The following BMPR2 variants were observed in gnomAD, a reference collection of about 807,000 sequenced individuals.
The protein encoded by BMPR2 is bone morphogenetic protein receptor type 2, also known as bone morphogenetic protein receptor type-2.
BMPR2 carries 29 observed loss-of-function variants against 100.8 expected under a neutral mutation model. The observed-to-expected ratio is 0.29, with a 90% CI of 0.21 to 0.39. BMPR2 has a LOEUF of 0.39. BMPR2 is among the 10% of genes least tolerant of loss of function. The probability of loss-of-function intolerance (pLI) is 1.00; values close to 1 mark genes in which losing one functional copy is unlikely to be tolerated. For missense variants in BMPR2, 1,011 were observed against 1,274.5 expected, an observed-to-expected ratio of 0.79 and a Z score of 3.15; for synonymous variants, 382 against 442.3, an observed-to-expected ratio of 0.86 and a Z score of 1.71.
intron 3 of BMPR2, among the ~76,000 whole-genome samples, chr2:202,471,549 T>C (rs539184507): frequency 6.6e-6 from 1 of 152,280 alleles, no homozygotes; most frequent in South Asian, 2.1e-4. Context: ...CAGTCAAGAA[T>C]GCATAACCTG....
At chr2:202,402,595 T>C (rs1690787526) in intron 1 of BMPR2, among the ~76,000 whole-genome samples, 1 of 151,958 alleles carries the variant, frequency 6.6e-6, no homozygotes, top group Non-Finnish European at 1.5e-5. Flanking sequence ...CCCATTAGCC[T>C]TTCCATTTTT....
intron 9 of BMPR2, among the ~76,000 whole-genome samples, chr2:202,540,937 T>TA (rs1031842656): frequency 2.0e-5 from 3 of 152,202 alleles, no homozygotes; most frequent in African/African-American, 7.2e-5. Context: ...CCATGGTTTC[T>TA]ACTAGATCAT....
chr2:202,499,240 C>T (rs550188299), intron 3 of BMPR2, among the ~76,000 whole-genome samples: 132 of 152,290 alleles, frequency 8.7e-4, no homozygotes, highest in African/African-American at 3.0e-3. Context: ...TAGGGCAAAC[C>T]TTTGACCTCC....
At chr2:202,428,949 C>T (rs954982922) in intron 1 of BMPR2, among the ~76,000 whole-genome samples, 1 of 152,036 alleles carries the variant, frequency 6.6e-6, no homozygotes, top group Admixed American at 6.6e-5. Context: ...GTTCTTGCAC[C>T]TTGTAAGAAA....
At chr2:202,484,412 C>A (rs577538023) in intron 3 of BMPR2, among the ~76,000 whole-genome samples, 1 of 145,922 alleles carries the variant, frequency 6.9e-6, no homozygotes, top group South Asian at 2.4e-4. Context: ...CGGTGGCTTA[C>A]GCCTGTAATC....
intron 3 of BMPR2, among the ~76,000 whole-genome samples, chr2:202,471,976 C>T (rs1209335913): frequency 6.6e-6 from 1 of 151,514 alleles, no homozygotes; most frequent in Non-Finnish European, 1.5e-5. Flanking sequence ...AAAATGGTAT[C>T]AGTAGGTGAA....
rs116950880 is a variant in BMPR2 at position 202,414,676 on chromosome 2, T to A, written c.76+37126T>A. Among the ~76,000 whole-genome samples, 21 of 152,330 alleles carry A rather than the reference T, an allele frequency of 1.4e-4. No homozygotes were observed. The East Asian group carries it at 4.0e-3, about 29-fold the overall frequency. On this transcript the variant is annotated intron_variant, in intron 1 of 12. Coordinates refer to ENST00000374580, the MANE Select transcript of BMPR2 (RefSeq NM_001204.7). The stretch of plus-strand genomic sequence containing the variant: ...AAAAAGTTTAAGTGGTCTGGATAGA[T>A]TAAACTAACTACAACATTCCCTTAG...
chr2:202,391,585 C>T (rs1690550204), intron 1 of BMPR2, among the ~76,000 whole-genome samples: 2 of 150,094 alleles, frequency 1.3e-5, no homozygotes, highest in Non-Finnish European at 3.0e-5. Flanking sequence ...CACCAACACA[C>T]CTGACCAGTG....
chr2:202,449,691 C>T (rs1190923177), intron 1 of BMPR2, among the ~76,000 whole-genome samples: 3 of 152,174 alleles, frequency 2.0e-5, no homozygotes, highest in African/African-American at 7.2e-5. Context: ...GAATTAAATG[C>T]ACCCTATGTA....
rs192517069 is a variant in BMPR2, at chr2:202,380,554, C to T, written c.76+3004C>T. Among the ~76,000 whole-genome samples, 443 of 151,892 alleles carry T rather than the reference C, an allele frequency of 2.9e-3. 2 individuals carry two copies. The highest frequency in any genetic ancestry group is 0.01 in the African/African-American group (427 of 41,414). ...GAATGAATCTCTCTGGGAGAACCCC[C>T]GCAAAGTCTCACTCAAGCAGGTGCT... On this transcript the variant is annotated intron_variant, in intron 1 of 12. Transcript: ENST00000374580.
chr2:202,560,729 C>A lies in BMPR2; in HGVS notation c.*783C>A, dbSNP rs947392154. 6.6e-6 allele frequency: 1 copy of A among 152,572 alleles called. No individual in the cohort carries two copies. The highest frequency in any genetic ancestry group is 1.5e-5 in the Non-Finnish European group (1 of 68,012). The allele number at this position is 152,572 out of a possible 1,614,324, so 9.5% of individuals were successfully genotyped here. A position where few individuals can be genotyped will look rare whatever the true frequency, so the allele number is the denominator to read the frequency against. Reference sequence around the variant, plus strand: ...TGCCATTTCTTTTAACCTTCCAAATCCTAAATGTTTCCTTCAAGGCATCTT... The same window carrying A: ...TGCCATTTCTTTTAACCTTCCAAATACTAAATGTTTCCTTCAAGGCATCTT... On this transcript the variant is annotated 3_prime_UTR_variant, in exon 13 of 13. Transcript: ENST00000374580.
At chr2:202,513,897 T>C (rs1687668018) in intron 4 of BMPR2, 68 bp downstream of exon 4, 2 of 1,238,240 alleles carry the variant, frequency 1.6e-6, no homozygotes, top group Admixed American at 3.6e-5. Flanking sequence ...TTTGCTCCTT[T>C]TAAATTCCGT....
At chr2:202,536,870 CAAAAAA>C (rs34999694) in intron 9 of BMPR2, among the ~76,000 whole-genome samples, 1 of 84,286 alleles carries the variant, frequency 1.2e-5, no homozygotes, top group Non-Finnish European at 2.4e-5. Context: ...AACTCGGTCT[CAAAAAA>C]AAAAAAAAAA....
intron 1 of BMPR2, among the ~76,000 whole-genome samples, chr2:202,407,543 C>T (rs1361719932): frequency 2.0e-5 from 3 of 151,936 alleles, no homozygotes; most frequent in Non-Finnish European, 4.4e-5. Context: ...GAGGCCGAGA[C>T]GGGTGGATCA....
intron 11 of BMPR2, among the ~76,000 whole-genome samples, chr2:202,554,483 C>G (rs1304096966): frequency 6.6e-6 from 1 of 152,046 alleles, no homozygotes; most frequent in Non-Finnish European, 1.5e-5. Context: ...TGAGTCTTAC[C>G]CTCCATGTCT....
rs200428510 is a variant in BMPR2, at chr2:202,555,543, G to A, written c.1878G>A (p.Met626Ile). 1 of 1,614,132 alleles carries A rather than the reference G, an allele frequency of 6.2e-7. No individual in the cohort carries two copies. Among genetic ancestry groups the A allele is most frequent in the Non-Finnish European group, 8.5e-7 (1 of 1,180,040 alleles). Residue 626 changes from methionine to isoleucine, a missense_variant, in exon 12 of 13, where the codon ATG (methionine) becomes ATA (isoleucine). This residue lies in a region of BMPR2 where 508 missense variants were observed against 552.0 expected (regional missense o/e 0.92). Coordinates refer to ENST00000374580, the MANE Select transcript of BMPR2 (RefSeq NM_001204.7). ...CAGGACTCACGCCAAGTACTGGCAT[G>A]ACTACTATATCTGAGATGCCATACC... is the stretch of plus-strand genomic sequence containing the variant. ...NTTGLTPSTG[M>I]TTISEMPYPD...
At chr2:202,397,154 G>C (rs1361938311) in intron 1 of BMPR2, among the ~76,000 whole-genome samples, 1 of 152,042 alleles carries the variant, frequency 6.6e-6, no homozygotes, top group African/African-American at 2.4e-5. Context: ...GTTGGGAGCA[G>C]GGTCAATAAA....
chr2:202,555,328 T>G lies in BMPR2; in HGVS notation c.1663T>G (p.Ser555Ala). The change falls in exon 12 of 13, where the codon TCT (serine) becomes GCT (alanine). Residue 555 changes from serine (S) to alanine (A), a missense_variant. By Grantham distance (99) the Ser-to-Ala change is moderately conservative. Around this residue, in one of 6 missense-constraint regions of BMPR2, gnomAD observed 508 missense variants for 552.0 expected, o/e 0.92. Transcript: ENST00000374580. ...TTCTTCCTCCTCATACATTGAAGAC[T>G]CTATCCATCATACTGACAGCATCGT... ...DYSSSSYIED[S>A]IHHTDSIVKN... is the part of the protein sequence containing the mutation. 6.2e-7 allele frequency: 1 copy of G among 1,614,168 alleles called. No individual in the cohort carries two copies. The highest frequency in any genetic ancestry group is 1.1e-5 in the South Asian group (1 of 91,086).
rs115667851 is a variant in BMPR2 at position 202,411,226 on chromosome 2, C to G, written c.76+33676C>G. Among the ~76,000 whole-genome samples the G allele has an allele frequency of 6.3e-3, 955 of 152,252 alleles. 13 individuals carry two copies. The highest frequency in any genetic ancestry group is 0.021 in the African/African-American group (891 of 41,538). ...AGAAATCTGGATATACCACTCTAAC[C>G]TGGTGACACATTGACATCTGTCAGA... is the stretch of plus-strand genomic sequence containing the variant. On this transcript the variant is annotated intron_variant, in intron 1 of 12. Transcript: ENST00000374580.
Sources: gnomAD v4.1 joint callset for allele counts (sites outside exome capture counted in the v4.1 genomes callset) on GRCh38, gnomAD v4.1.1 for gene constraint, gnomAD v4.1.1 regional missense constraint, MANE v1.5 for transcripts, NCBI Gene and HGNC (gene_info 2026-07-23, HGNC 2026-07-21) for gene names.